The following TCF12 variants were observed in gnomAD, a reference collection of about 807,000 sequenced individuals.
The protein encoded by TCF12 is DNA-binding protein HTF4.
TCF12 carries 45 observed loss-of-function variants against 86.0 expected under a neutral mutation model. The ratio of observed to expected loss-of-function variants is 0.52; its 90% CI spans 0.41 to 0.67. The LOEUF is 0.67. Ranked by LOEUF, TCF12 falls within the 30% of genes least tolerant of loss-of-function variation. The pLI is 0.00. For missense variants in TCF12, 881 were observed against 859.9 expected (o/e 1.02, Z -0.31); for synonymous variants, 330 against 299.6 (o/e 1.10, Z -1.05).
chr15:57,197,722 A>ATT, intron 7 of TCF12, 51 bp from the exon 8 acceptor site: 1 of 1,590,620 alleles, frequency 6.3e-7, no homozygotes. Flanking sequence ...TGAAGTCTTG[A>ATT]TTTTTTTCTG....
At chr15:57,029,546 G>A (rs1302371453) in intron 3 of TCF12, among the ~76,000 whole-genome samples, 5 of 151,966 alleles carry the variant, frequency 3.3e-5, no homozygotes, top group Admixed American at 1.3e-4. Context: ...TTTGTACTAC[G>A]CTATATGGGT....
intron 3 of TCF12, among the ~76,000 whole-genome samples, chr15:57,063,166 G>A (rs1429817170): frequency 6.6e-6 from 1 of 152,158 alleles, no homozygotes; most frequent in Non-Finnish European, 1.5e-5. Context: ...AATTTTAGAA[G>A]AGATGGAAGT....
At chr15:57,062,998 T>A (rs2068580414) in intron 3 of TCF12, among the ~76,000 whole-genome samples, 1 of 152,182 alleles carries the variant, frequency 6.6e-6, no homozygotes, top group Non-Finnish European at 1.5e-5. Flanking sequence ...GGGGACTGAT[T>A]CGGAGGTGAA....
chr15:57,159,184 G>T (rs2054323564), intron 5 of TCF12, among the ~76,000 whole-genome samples: 1 of 152,202 alleles, frequency 6.6e-6, no homozygotes, highest in Non-Finnish European at 1.5e-5. Flanking sequence ...TCCTAAAAGA[G>T]TGAGTGGGGT....
At chr15:57,186,232 C>T (rs753999863) in intron 6 of TCF12, among the ~76,000 whole-genome samples, 6 of 152,188 alleles carry the variant, frequency 3.9e-5, no homozygotes, top group Non-Finnish European at 8.8e-5. Context: ...GACCCAGTGG[C>T]TCATGCCTGT....
At chr15:57,032,708 G>A (rs952763335) in intron 3 of TCF12, among the ~76,000 whole-genome samples, 7 of 152,178 alleles carry the variant, frequency 4.6e-5, no homozygotes, top group Non-Finnish European at 1.0e-4. Flanking sequence ...GCCTCCAAGA[G>A]TGCCGTGATT....
At chr15:57,197,451 T>A (rs2057329279) in intron 7 of TCF12, among the ~76,000 whole-genome samples, 1 of 152,110 alleles carries the variant, frequency 6.6e-6, no homozygotes, top group South Asian at 2.1e-4. Context: ...AGCCACCACA[T>A]CCGGCCGAAC....
chr15:57,068,535 A>G (rs960431293), intron 4 of TCF12, among the ~76,000 whole-genome samples: 3 of 152,340 alleles, frequency 2.0e-5, no homozygotes, highest in Non-Finnish European at 2.9e-5. Context: ...TGGGAAAGCA[A>G]CAGTCTCTTC....
chr15:57,083,398 C>G (rs1371825090), intron 4 of TCF12, among the ~76,000 whole-genome samples: 1 of 151,868 alleles, frequency 6.6e-6, no homozygotes, highest in African/African-American at 2.4e-5. Context: ...TACATTCTCT[C>G]GTTTCTACAA....
chr15:57,057,417 C>G (rs2068112623), intron 3 of TCF12, among the ~76,000 whole-genome samples: 1 of 152,186 alleles, frequency 6.6e-6, no homozygotes, highest in Admixed American at 6.5e-5. Flanking sequence ...GGGAAACTCA[C>G]CTGTGCTGGT....
intron 5 of TCF12, among the ~76,000 whole-genome samples, chr15:57,148,964 A>G (rs796844001): frequency 1.3e-5 from 2 of 152,350 alleles, no homozygotes; most frequent in African/African-American, 4.8e-5. Flanking sequence ...GTCTAGGTGT[A>G]GTCTTAAATC....
At chr15:57,255,420 T>G (rs1404339565) in intron 16 of TCF12, among the ~76,000 whole-genome samples, 1 of 152,202 alleles carries the variant, frequency 6.6e-6, no homozygotes, top group African/African-American at 2.4e-5. Flanking sequence ...GCTGAAGGAA[T>G]GCACTGCCCA....
intron 3 of TCF12, among the ~76,000 whole-genome samples, chr15:56,963,846 G>A (rs1308015609): frequency 2.6e-5 from 4 of 152,176 alleles, no homozygotes; most frequent in Non-Finnish European, 4.4e-5. Context: ...ATTGGGCAGC[G>A]TTCATGTATG....
At chr15:57,095,569 A>G (rs528437968) in intron 5 of TCF12, among the ~76,000 whole-genome samples, 1 of 152,298 alleles carries the variant, frequency 6.6e-6, no homozygotes, top group African/African-American at 2.4e-5. Flanking sequence ...TGGGAGACTT[A>G]AGGTGTAAAA....
chr15:57,108,600 A>G lies in TCF12; in HGVS notation c.325+16709A>G, dbSNP rs1596564953. Reference sequence around the variant, plus strand: ...GGGTGAGGTTGTTCTGGTGGTCCCCAGGGTTGGGTGTTAGGCAAACAATTC... The same window carrying G: ...GGGTGAGGTTGTTCTGGTGGTCCCCGGGGTTGGGTGTTAGGCAAACAATTC... On this transcript the variant is annotated intron_variant, in intron 5 of 20. Transcript: ENST00000333725. 3.3e-5 allele frequency among the ~76,000 whole-genome samples: 5 copies of G among 151,904 alleles called. No individual in the cohort carries two copies. The South Asian group carries it at 1.0e-3, about 32-fold the overall frequency.
chr15:56,994,033 A>G (rs1212978620), intron 3 of TCF12, among the ~76,000 whole-genome samples: 1 of 152,184 alleles, frequency 6.6e-6, no homozygotes, highest in Non-Finnish European at 1.5e-5. Flanking sequence ...AAAAAGTCTC[A>G]GCAGAGAAAT....
At chr15:57,020,603 T>G (rs938989479) in intron 3 of TCF12, among the ~76,000 whole-genome samples, 2 of 152,214 alleles carry the variant, frequency 1.3e-5, no homozygotes, top group Admixed American at 6.5e-5. Flanking sequence ...CCATTATGTC[T>G]TACTCAAAGC....
chr15:56,984,014 A>AAAAAGAAG (rs777234282), intron 3 of TCF12, among the ~76,000 whole-genome samples: 3 of 104,398 alleles, frequency 2.9e-5, no homozygotes, highest in African/African-American at 9.1e-5. Flanking sequence ...AAAAAAAAAA[A>AAAAAGAAG]AAGAAGAAGA....
chr15:57,136,065 A>G (rs1358082481), intron 5 of TCF12, among the ~76,000 whole-genome samples: 1 of 152,168 alleles, frequency 6.6e-6, no homozygotes, highest in Non-Finnish European at 1.5e-5. Context: ...AGCTTATGTC[A>G]TCAATTAAAT....
Sources: allele counts gnomAD v4.1 joint callset (sites outside exome capture counted in the v4.1 genomes callset), GRCh38; gene constraint gnomAD v4.1.1; transcripts MANE v1.5; gene names NCBI Gene and HGNC (gene_info 2026-07-23, HGNC 2026-07-21).